ANK2: variants seen among roughly 807,000 people sequenced by gnomAD.
ANK2 encodes the protein ankyrin 2.
Under a neutral mutation model 360.5 loss-of-function variants are expected in ANK2, and 83 were observed. The observed-to-expected ratio is 0.23, with a 90% CI of 0.19 to 0.28. The LOEUF is 0.28. Ranked by LOEUF, ANK2 falls within the 10% of genes least tolerant of loss-of-function variation. The probability of loss-of-function intolerance (pLI) is 1.00; values close to 1 mark genes in which losing one functional copy is unlikely to be tolerated. For missense variants in ANK2, 4,201 were observed against 4,795.7 expected, an observed-to-expected ratio of 0.88 and a Z score of 3.66; for synonymous variants, 1,740 against 1,759.5, an observed-to-expected ratio of 0.99 and a Z score of 0.28.
At chr4:112,770,881 C>T in the ANK2 span, among the ~76,000 whole-genome samples, 15 of 152,318 alleles carry the variant, frequency 9.8e-5, no homozygotes, top group Admixed American at 5.2e-4. Flanking sequence ...CTTGCGACTG[C>T]AGTTTGAAAA....
intron 1 of ANK2, among the ~76,000 whole-genome samples, chr4:113,063,772 A>G (rs978702915): frequency 6.6e-6 from 1 of 152,292 alleles, no homozygotes; most frequent in African/African-American, 2.4e-5. Flanking sequence ...GTGTGAGTTT[A>G]GAAGTGAGGC....
At chr4:112,752,195 A>G in the ANK2 span, among the ~76,000 whole-genome samples, 3 of 152,164 alleles carry the variant, frequency 2.0e-5, no homozygotes, top group African/African-American at 4.8e-5. Flanking sequence ...TCCTCACTGG[A>G]TTACTAACAT....
intron 2 of ANK2, among the ~76,000 whole-genome samples, chr4:113,025,227 C>T (rs1172503184): frequency 3.9e-5 from 6 of 152,110 alleles, no homozygotes; most frequent in Admixed American, 2.6e-4. Flanking sequence ...CATGTTGCTG[C>T]TCTTTTGTTT....
chr4:113,015,305 A>C (rs1475135847), intron 2 of ANK2, among the ~76,000 whole-genome samples: 2 of 152,204 alleles, frequency 1.3e-5, no homozygotes, highest in African/African-American at 4.8e-5. Context: ...AATAATACCT[A>C]ATCTTCAAGG....
the ANK2 span, among the ~76,000 whole-genome samples, chr4:112,752,826 T>G: frequency 6.6e-6 from 1 of 152,082 alleles, no homozygotes; most frequent in Non-Finnish European, 1.5e-5. Context: ...CCACGATACC[T>G]GGCTAATTTT....
chr4:113,204,608 T>A (rs988828737), intron 4 of ANK2, among the ~76,000 whole-genome samples: 26 of 152,312 alleles, frequency 1.7e-4, no homozygotes, highest in African/African-American at 6.0e-4. Flanking sequence ...CATGGAAAAA[T>A]TTGAGGCATA....
intron 2 of ANK2, among the ~76,000 whole-genome samples, chr4:113,015,339 C>T (rs2036605): frequency 0.56 from 84,862 of 151,966 alleles, 25,553 homozygotes; most frequent in Non-Finnish European, 0.69. Context: ...TGAGAATAGA[C>T]TTAGCACTAA....
At chr4:113,365,251 AT>A in intron 41 of ANK2, 69 bp downstream of exon 41, 1 of 1,533,878 alleles carries the variant, frequency 6.5e-7, no homozygotes, top group Non-Finnish European at 8.9e-7. Context: ...TGTGTGGTTA[AT>A]TGAGGCACTG....
At chr4:113,367,872 T>C in intron 42 of ANK2, 21 bp downstream of exon 42, 1 of 1,613,924 alleles carries the variant, frequency 6.2e-7, no homozygotes, top group Non-Finnish European at 8.5e-7. Flanking sequence ...AAAGAAAGCC[T>C]GTCAAATGTA....
intron 2 of ANK2, among the ~76,000 whole-genome samples, chr4:113,001,048 T>C (rs1229720488): frequency 6.6e-6 from 1 of 152,002 alleles, no homozygotes; most frequent in African/African-American, 2.4e-5. Context: ...TAAAAAATAA[T>C]GTGAGGTCGG....
intron 1 of ANK2, among the ~76,000 whole-genome samples, chr4:113,109,867 T>C (rs1275240693): frequency 6.6e-6 from 1 of 152,188 alleles, no homozygotes; most frequent in Non-Finnish European, 1.5e-5. Flanking sequence ...TGGTTGTTGA[T>C]GTGATTTAGA....
At chr4:112,917,758 A>G (rs2090319518) in intron 2 of ANK2, among the ~76,000 whole-genome samples, 1 of 152,220 alleles carries the variant, frequency 6.6e-6, no homozygotes, top group African/African-American at 2.4e-5. Flanking sequence ...GTGATGTATA[A>G]TATGGACTTT....
chr4:112,852,293 T>C (rs544355931), intron 1 of ANK2, among the ~76,000 whole-genome samples: 1 of 152,346 alleles, frequency 6.6e-6, no homozygotes, highest in South Asian at 2.1e-4. Context: ...ATTCTTCATC[T>C]TCTAACTCAA....
chr4:113,302,924 T>G, intron 23 of ANK2, 85 bp downstream of exon 23: 1 of 1,138,728 alleles, frequency 8.8e-7, no homozygotes, highest in Non-Finnish European at 1.3e-6. Flanking sequence ...ACCAAGCTGG[T>G]TATGTGGATG....
chr4:113,283,839 CTA>C (rs1379476475), intron 18 of ANK2, among the ~76,000 whole-genome samples: 10 of 152,304 alleles, frequency 6.6e-5, no homozygotes, highest in African/African-American at 2.4e-4. Context: ...TACAAATACT[CTA>C]TGTTTTCTAC....
chr4:113,023,930 ATT>A (rs2058709193), intron 2 of ANK2, among the ~76,000 whole-genome samples: 1 of 152,184 alleles, frequency 6.6e-6, no homozygotes, highest in African/African-American at 2.4e-5. Flanking sequence ...ACACATTCTT[ATT>A]GGGGACCCCT....
At chr4:113,343,258 C>A (rs2094485695) in intron 34 of ANK2, 116 bp downstream of exon 34, 8 of 1,185,546 alleles carry the variant, frequency 6.7e-6, no homozygotes, top group Non-Finnish European at 9.5e-6. Flanking sequence ...TTCTTTTTAA[C>A]CATATTTGTA....
the ANK2 span, among the ~76,000 whole-genome samples, chr4:112,793,439 A>G: frequency 6.6e-6 from 1 of 152,176 alleles, no homozygotes; most frequent in East Asian, 1.9e-4. Context: ...TAGTTATCAA[A>G]TAATAATTTA....
intron 2 of ANK2, among the ~76,000 whole-genome samples, chr4:113,007,607 C>T (rs904453539): frequency 2.0e-5 from 3 of 152,064 alleles, no homozygotes; most frequent in African/African-American, 7.2e-5. Flanking sequence ...AACCACATCA[C>T]ATTAAATTTA....
Sources: gnomAD v4.1 joint callset for allele counts (sites outside exome capture counted in the v4.1 genomes callset) on GRCh38, gnomAD v4.1.1 for gene constraint, MANE v1.5 for transcripts, NCBI Gene and HGNC (gene_info 2026-07-23, HGNC 2026-07-21) for gene names.